The following SNX9 variants were observed in gnomAD, a reference collection of about 807,000 sequenced individuals.
SNX9 encodes sorting nexin-9.
Under a neutral mutation model 89.4 loss-of-function variants are expected in SNX9, and 44 were observed. That is an observed-to-expected ratio of 0.49 (90% CI 0.39 to 0.63). The LOEUF (loss-of-function observed/expected upper bound fraction) is 0.63, where lower values mean the gene tolerates loss of function less well. SNX9 is among the 30% of genes least tolerant of loss of function. The pLI is 0.00. For synonymous variants in SNX9, 236 were observed against 247.8 expected (o/e 0.95, Z 0.45); for missense variants, 578 against 736.1 (o/e 0.79, Z 2.49).
chr6:157,868,341 A>C (rs1390438134), intron 2 of SNX9, among the ~76,000 whole-genome samples: 8 of 152,250 alleles, frequency 5.3e-5, no homozygotes, highest in African/African-American at 1.7e-4. Flanking sequence ...ATATGTATAC[A>C]TATGTACACA....
chr6:157,857,557 C>G (rs998775402), intron 1 of SNX9, among the ~76,000 whole-genome samples: 5 of 151,606 alleles, frequency 3.3e-5, no homozygotes, highest in Non-Finnish European at 2.9e-5. Flanking sequence ...CTTATTTGTT[C>G]TAAAACAATA....
At chr6:157,914,756 G>T (rs1290332454) in intron 9 of SNX9, among the ~76,000 whole-genome samples, 1 of 152,082 alleles carries the variant, frequency 6.6e-6, no homozygotes, top group Non-Finnish European at 1.5e-5. Flanking sequence ...GGGATTAGAG[G>T]CATGAGCTAC....
chr6:157,878,424 G>C (rs946280019), intron 4 of SNX9, among the ~76,000 whole-genome samples: 1 of 150,414 alleles, frequency 6.6e-6, no homozygotes, highest in Non-Finnish European at 1.5e-5. Flanking sequence ...GAATATGGAA[G>C]CCCACCATTT....
At chr6:157,934,135 G>T (rs1583246773) in intron 13 of SNX9, 1 of 152,170 alleles carries the variant, frequency 6.6e-6, no homozygotes, top group East Asian at 1.9e-4. Context: ...TTGATTCCTG[G>T]AAATATTGTG....
chr6:157,850,565 G>T (rs888679730), intron 1 of SNX9, among the ~76,000 whole-genome samples: 1 of 152,028 alleles, frequency 6.6e-6, no homozygotes, highest in African/African-American at 2.4e-5. Context: ...CGAGTTTGCT[G>T]GGGGAGTCTC....
intron 6 of SNX9, among the ~76,000 whole-genome samples, chr6:157,902,731 G>C (rs138530742): frequency 6.6e-6 from 1 of 152,070 alleles, no homozygotes; most frequent in African/African-American, 2.4e-5. Flanking sequence ...GCAGTGGTGC[G>C]ATCTTGGTTC....
At chr6:157,869,821 C>G (rs964078650) in intron 2 of SNX9, among the ~76,000 whole-genome samples, 6 of 152,008 alleles carry the variant, frequency 3.9e-5, no homozygotes, top group African/African-American at 1.2e-4. Flanking sequence ...TGTACGTACT[C>G]TCACGCACTC....
chr6:157,841,726 C>T (rs938409424), intron 1 of SNX9, among the ~76,000 whole-genome samples: 2 of 152,126 alleles, frequency 1.3e-5, no homozygotes, highest in African/African-American at 2.4e-5. Context: ...GGTGACAGAG[C>T]CCTGCTTCTG....
intron 4 of SNX9, among the ~76,000 whole-genome samples, chr6:157,891,519 G>A (rs1047636629): frequency 6.6e-6 from 1 of 152,112 alleles, no homozygotes; most frequent in Non-Finnish European, 1.5e-5. Flanking sequence ...GAAGGTTAGA[G>A]GTCTGACAAA....
intron 1 of SNX9, among the ~76,000 whole-genome samples, chr6:157,839,050 C>A (rs902212482): frequency 3.9e-5 from 6 of 152,208 alleles, no homozygotes; most frequent in African/African-American, 1.4e-4. Context: ...GGATTCCCAG[C>A]TGGTGAATTG....
intron 10 of SNX9, chr6:157,924,272 G>A (rs1014156335): frequency 1.3e-5 from 2 of 151,988 alleles, no homozygotes; most frequent in Non-Finnish European, 2.9e-5. Context: ...AATCCCAGAG[G>A]TAAAATGGAG....
At chr6:157,896,801 C>T (rs368990670) in intron 4 of SNX9, 26 bp from the exon 5 acceptor site, 1 of 1,610,956 alleles carries the variant, frequency 6.2e-7, no homozygotes, top group Non-Finnish European at 8.5e-7. Context: ...CACAAAAATT[C>T]TCCTTCTTTT....
intron 1 of SNX9, among the ~76,000 whole-genome samples, chr6:157,857,460 A>T (rs80002520): frequency 0.012 from 1,792 of 151,704 alleles, 25 homozygotes; most frequent in African/African-American, 0.037. Context: ...TACCTTTTTT[A>T]AAAAAAAATT....
chr6:157,823,758 G>C lies in SNX9; in HGVS notation c.12+312G>C, dbSNP rs1781285562. On this transcript the variant is annotated intron_variant, in intron 1 of 17. Coordinates refer to ENST00000392185, the MANE Select transcript of SNX9 (RefSeq NM_016224.5). The surrounding 1 kb of genome is among the most constrained non-coding windows in gnomAD (Gnocchi z 4.6). The stretch of plus-strand genomic sequence containing the variant: ...GTGGGCTGCGGCGGGCTCGCCGGGA[G>C]GGGCCGCGGGACGGAAACTTCCCGC... Among the ~76,000 whole-genome samples, 1 of 152,002 alleles carries C rather than the reference G, an allele frequency of 6.6e-6. No homozygotes were observed. Among genetic ancestry groups the C allele is most frequent in the Admixed American group, 6.5e-5 (1 of 15,268 alleles).
At chr6:157,864,246 G>A (rs536441391) in intron 1 of SNX9, among the ~76,000 whole-genome samples, 3 of 152,146 alleles carry the variant, frequency 2.0e-5, no homozygotes, top group South Asian at 4.2e-4. Context: ...CCACTCCCAC[G>A]AGCCCTTTTT....
intron 1 of SNX9, among the ~76,000 whole-genome samples, chr6:157,867,067 G>GT (rs1182710242): frequency 6.6e-6 from 1 of 152,068 alleles, no homozygotes; most frequent in Admixed American, 6.6e-5. Context: ...TCCCGCCTCA[G>GT]TTTTTTCAGT....
chr6:157,845,001 G>A (rs1365085102), intron 1 of SNX9, among the ~76,000 whole-genome samples: 2 of 152,092 alleles, frequency 1.3e-5, no homozygotes, highest in Non-Finnish European at 2.9e-5. Context: ...AAGCAAGATG[G>A]AGTCAATTAA....
At chr6:157,844,600 G>GTTT (rs34836632) in intron 1 of SNX9, among the ~76,000 whole-genome samples, 7 of 131,806 alleles carry the variant, frequency 5.3e-5, no homozygotes, top group African/African-American at 1.1e-4. Context: ...TTTTTTTTTT[G>GTTT]TTTTTTTTTT....
At chr6:157,863,107 G>A (rs1782180102) in intron 1 of SNX9, among the ~76,000 whole-genome samples, 1 of 152,220 alleles carries the variant, frequency 6.6e-6, no homozygotes, top group Non-Finnish European at 1.5e-5. Context: ...CCAGAGAGAA[G>A]GAGCACTGTC....
Sources: gnomAD v4.1 joint callset for allele counts (sites outside exome capture counted in the v4.1 genomes callset) on GRCh38, gnomAD v4.1.1 for gene constraint, Gnocchi (gnomAD v3.1) non-coding constraint, MANE v1.5 for transcripts, NCBI Gene and HGNC (gene_info 2026-07-23, HGNC 2026-07-21) for gene names.